Variants in SETD1B observed in about 807,000 individuals in gnomAD.
The protein encoded by SETD1B is histone-lysine N-methyltransferase SETD1B.
A neutral mutation model predicts 148.0 loss-of-function variants in SETD1B; 7 were observed. The observed-to-expected ratio is 0.05, with a 90% CI of 0.03 to 0.09. The LOEUF (loss-of-function observed/expected upper bound fraction) is 0.09. Among genes scored for constraint, SETD1B ranks in the 10% least tolerant of loss-of-function variants. The pLI, the probability that SETD1B is intolerant of heterozygous loss-of-function variation, is 1.00. For synonymous variants in SETD1B, 1,361 were observed against 1,186.5 expected (o/e 1.15, Z -3.02); for missense variants, 2,155 against 2,729.9 (o/e 0.79, Z 4.69).
At position 121,817,779 on chromosome 12, in the gene SETD1B, C is replaced by T. The variant is rs946790022; in HGVS notation, c.3313-20C>T. The T allele has an allele frequency of 1.9e-6, 3 of 1,545,504 alleles. No individual in the cohort carries two copies. Among genetic ancestry groups the T allele is most frequent in the African/African-American group, 2.7e-5 (2 of 72,920 alleles). On this transcript the variant is annotated intron_variant, in intron 9 of 16. Transcript: ENST00000604567. The surrounding 1 kb of genome is among the most constrained non-coding windows in gnomAD (Gnocchi z 8.1). ...CCAGACCCTTCGGCTCACCTGTCCC[C>T]ACTCTTCCTTCTCCCCCAGGATGAC... is the stretch of plus-strand genomic sequence containing the variant.
Position 121,822,712 on chromosome 12 carries a change from C to G in SETD1B, c.4133C>G (p.Thr1378Arg). ...CTGGCCAAGTCGCAGAGCACAGAGA[C>G]GGTGCCAGCCACACCAGGCGGGGAG... ...GSLAKSQSTE[T>R]VPATPGGEPP... The change falls in exon 12 of 17, where the codon ACG (threonine) becomes AGG (arginine). Residue 1378 changes from threonine (T) to arginine (R), a missense_variant. Coordinates refer to ENST00000604567, the MANE Select transcript of SETD1B (RefSeq NM_001353345.2). The G allele has an allele frequency of 6.6e-7, 1 of 1,526,260 alleles. No individual in the cohort carries two copies. Among genetic ancestry groups the G allele is most frequent in the Non-Finnish European group, 8.9e-7 (1 of 1,129,000 alleles). The allele number at this position is 1,526,260 out of a possible 1,614,324, so 94.5% of individuals were successfully genotyped here. A position where few individuals can be genotyped will look rare whatever the true frequency, so the allele number is the denominator to read the frequency against.
rs1204115837 is a variant in SETD1B, at chr12:121,823,798, C to T, written c.5170+49C>T. 16 of 1,495,820 alleles carry T rather than the reference C, an allele frequency of 1.1e-5. No homozygotes were observed. In the South Asian group the frequency reaches 1.4e-4, roughly 13 times the overall value. 92.7% of individuals were successfully genotyped at this position (1,495,820 alleles called of 1,614,324 possible). ...CTGCACCTTCTGGGATGCAGGAAGTCCCTGCTCACCTCTCTGGGCCCCACC... is the reference window on the plus strand; with the variant it reads ...CTGCACCTTCTGGGATGCAGGAAGTTCCTGCTCACCTCTCTGGGCCCCACC... On this transcript the variant is annotated intron_variant, in intron 12 of 16. Transcript: ENST00000604567.
chr12:121,809,801 GACTCCAGCT>G lies in SETD1B; in HGVS notation c.865_873del (p.Tyr289_Ser291del). 1 of 1,551,474 alleles carries G rather than the reference GACTCCAGCT, an allele frequency of 6.4e-7. No individual in the cohort carries two copies. The highest frequency in any genetic ancestry group is 1.4e-5 in the African/African-American group (1 of 73,128). ...GCGCCTGGGCACCCCTTTCTCACAG[GACTCCAGCT>G]ACTCCAGCCGCCAGCCCACACCCTC... is the stretch of plus-strand genomic sequence containing the variant. On this transcript the variant is annotated inframe_deletion, in exon 6 of 17. Transcript: ENST00000604567.
rs1215608993 is a variant in SETD1B at position 121,808,009 on chromosome 12, T to A, written c.545-199T>A. Reference sequence around the variant, plus strand: ...CTGGATCTCAGGATCAGAAAAATGGTGCAGCTCAGCAGCTTTGTTGAAGAG... The same window carrying A: ...CTGGATCTCAGGATCAGAAAAATGGAGCAGCTCAGCAGCTTTGTTGAAGAG... On this transcript the variant is annotated intron_variant, in intron 4 of 16. Transcript: ENST00000604567. This position sits in a 1 kb window ranked among gnomAD's most constrained non-coding sequence, Gnocchi z 5.3. 6.6e-6 allele frequency among the ~76,000 whole-genome samples: 1 copy of A among 151,976 alleles called. No individual in the cohort carries two copies. The highest frequency in any genetic ancestry group is 2.4e-5 in the African/African-American group (1 of 41,342).
At position 121,817,852 on chromosome 12, in the gene SETD1B, G is replaced by A. The variant is rs2137568087; in HGVS notation, c.3366G>A (p.Glu1122=). 2.6e-6 allele frequency: 4 copies of A among 1,551,152 alleles called. No homozygotes were observed. The highest frequency in any genetic ancestry group is 3.5e-6 in the Non-Finnish European group (4 of 1,146,790). ...DDRDESENDD[E]DTALSEASEK... ...GGGACGAGTCTGAGAACGATGACGA[G>A]GACACAGCCCTGTCAGAGGCGAGTG... The change falls in exon 10 of 17, where the codon GAG becomes GAA. Residue 1122 remains glutamate, a synonymous_variant. Coordinates refer to ENST00000604567, the MANE Select transcript of SETD1B (RefSeq NM_001353345.2). This position sits in a 1 kb window ranked among gnomAD's most constrained non-coding sequence, Gnocchi z 8.1.
chr12:121,805,245 C>G lies in SETD1B; in HGVS notation c.273+29C>G. 2 of 1,452,562 alleles carry G rather than the reference C, an allele frequency of 1.4e-6. No homozygotes were observed. Among genetic ancestry groups the G allele is most frequent in the Non-Finnish European group, 1.9e-6 (2 of 1,067,588 alleles). The allele number at this position is 1,452,562 out of a possible 1,614,324, so 90.0% of individuals were successfully genotyped here. A position where few individuals can be genotyped will look rare whatever the true frequency, so the allele number is the denominator to read the frequency against. On this transcript the variant is annotated intron_variant, in intron 3 of 16. Transcript: ENST00000604567. The surrounding 1 kb of genome is among the most constrained non-coding windows in gnomAD (Gnocchi z 4.2). The stretch of plus-strand genomic sequence containing the variant: ...GGACCCCTCCCCACTGCCCCGCCGT[C>G]CCTCCCCCACCTCCCCGAGTTCGAA...
rs776019997 is a variant in SETD1B at position 121,810,391 on chromosome 12, G to A, written c.1446G>A (p.Thr482=). ...WSPEPCDSPG[T]PTLESSPAGP... is the part of the protein sequence containing the mutation. ...CTGAGCCCTGTGACAGCCCTGGCAC[G>A]CCCACGCTGGAGTCGTCCCCTGCAG... The change falls in exon 6 of 17, where the codon ACG becomes ACA. Residue 482 remains threonine, a synonymous_variant. Coordinates refer to ENST00000604567, the MANE Select transcript of SETD1B (RefSeq NM_001353345.2). This position sits in a 1 kb window ranked among gnomAD's most constrained non-coding sequence, Gnocchi z 7.6. 5.8e-6 allele frequency: 9 copies of A among 1,548,460 alleles called. No individual in the cohort carries two copies. Among genetic ancestry groups the A allele is most frequent in the African/African-American group, 2.7e-5 (2 of 73,034 alleles).
Position 121,804,897 on chromosome 12 carries a change from C to T in SETD1B, c.160C>T (p.His54Tyr), listed in dbSNP as rs1362433895. The change falls in exon 2 of 17, where the codon CAT (histidine) becomes TAT (tyrosine). Residue 54 changes from histidine to tyrosine, a missense_variant. Transcript: ENST00000604567. The surrounding 1 kb of genome is among the most constrained non-coding windows in gnomAD (Gnocchi z 4.6). ...HHKLYRYDGQ[H>Y]FSLAMSSNRP... Reference sequence around the variant, plus strand: ...TAAACTGTACCGCTACGATGGGCAGCATTTCAGCCTGGCGGTGAGTAGCCG... The same window carrying T: ...TAAACTGTACCGCTACGATGGGCAGTATTTCAGCCTGGCGGTGAGTAGCCG... 1 of 1,521,590 alleles carries T rather than the reference C, an allele frequency of 6.6e-7. No homozygotes were observed. Among genetic ancestry groups the T allele is most frequent in the Admixed American group, 2.2e-5 (1 of 44,610 alleles). 94.3% of individuals were successfully genotyped at this position (1,521,590 alleles called of 1,614,324 possible).
In SETD1B at chr12:121,825,290, C is replaced by T; in HGVS notation, c.5261C>T (p.Thr1754Ile). The change falls in exon 13 of 17, where the codon ACC (threonine) becomes ATC (isoleucine). Residue 1754 changes from threonine (T) to isoleucine (I), a missense_variant. Thr to Ile is a moderately conservative substitution (Grantham distance 89). This residue lies in a region of SETD1B where 96 missense variants were observed against 148.7 expected (regional missense o/e 0.65). Coordinates refer to ENST00000604567, the MANE Select transcript of SETD1B (RefSeq NM_001353345.2). ...TGTGCCCGCAGTGAGGGCTTCTACA[C>T]CATCGACAAGAAGGACAAGCTCAGA... ...TGCARSEGFY[T>I]IDKKDKLRYL... The T allele has an allele frequency of 1.3e-6, 2 of 1,551,894 alleles. No individual in the cohort carries two copies. The highest frequency in any genetic ancestry group is 1.2e-5 in the South Asian group (1 of 84,068).
chr12:121,823,317 C>A lies in SETD1B; in HGVS notation c.4738C>A (p.Pro1580Thr), dbSNP rs1306354428. ...VTLDFRNAGI[P>T]APPPPLPPQP... The stretch of plus-strand genomic sequence containing the variant: ...CCTGGACTTCCGGAACGCGGGGATC[C>A]CAGCCCCTCCACCACCCCTTCCCCC... The change falls in exon 12 of 17, where the codon CCA becomes ACA. Residue 1580 changes from proline to threonine, a missense_variant. Around this residue, in one of 11 missense-constraint regions of SETD1B, gnomAD observed 862 missense variants for 873.8 expected, o/e 0.99. Coordinates refer to ENST00000604567, the MANE Select transcript of SETD1B (RefSeq NM_001353345.2). The A allele has an allele frequency of 6.5e-7, 1 of 1,545,342 alleles. No individual in the cohort carries two copies. Among genetic ancestry groups the A allele is most frequent in the Admixed American group, 2.0e-5 (1 of 50,924 alleles).
Position 121,825,261 on chromosome 12 carries a change from G to A in SETD1B, c.5232G>A (p.Thr1744=), listed in dbSNP as rs1006946845. 1.2e-4 allele frequency: 189 copies of A among 1,551,688 alleles called. No homozygotes were observed. Among genetic ancestry groups the A allele is most frequent in the Non-Finnish European group, 1.5e-4 (170 of 1,147,052 alleles). Residue 1744 remains threonine (T), a synonymous_variant, in exon 13 of 17, where the codon ACG becomes ACA. Transcript: ENST00000604567. ...KRDDGIREHV[T]GCARSEGFYT... Reference sequence around the variant, plus strand: ...ACGATGGCATCCGCGAGCACGTGACGGGCTGTGCCCGCAGTGAGGGCTTCT... The same window carrying A: ...ACGATGGCATCCGCGAGCACGTGACAGGCTGTGCCCGCAGTGAGGGCTTCT...
chr12:121,821,159 T>G (rs1876548481), intron 11 of SETD1B, among the ~76,000 whole-genome samples: 1 of 152,192 alleles, frequency 6.6e-6, no homozygotes, highest in South Asian at 2.1e-4. Flanking sequence ...CTTTGAACAT[T>G]GACTCAATAC....
At position 121,808,156 on chromosome 12, in the gene SETD1B, G is replaced by T; in HGVS notation, c.545-52G>T. 1 of 1,408,948 alleles carries T rather than the reference G, an allele frequency of 7.1e-7. No homozygotes were observed. The highest frequency in any genetic ancestry group is 9.8e-7 in the Non-Finnish European group (1 of 1,023,150). 87.3% of individuals were successfully genotyped at this position (1,408,948 alleles called of 1,614,324 possible). The stretch of plus-strand genomic sequence containing the variant: ...CACACAGGTTGGAATCCTTGTGGGG[G>T]CTGCCCCATCCTGGAACCTCACTGA... On this transcript the variant is annotated intron_variant, in intron 4 of 16. Transcript: ENST00000604567. The surrounding 1 kb of genome is among the most constrained non-coding windows in gnomAD (Gnocchi z 5.3).
In SETD1B at chr12:121,817,104, C is replaced by T; in HGVS notation, c.2787C>T (p.Ala929=). The T allele has an allele frequency of 6.5e-7, 1 of 1,549,172 alleles. No individual in the cohort carries two copies. The highest frequency in any genetic ancestry group is 1.2e-5 in the South Asian group (1 of 84,044). Residue 929 remains alanine (A), a synonymous_variant, in exon 8 of 17, where the codon GCC becomes GCT. Coordinates refer to ENST00000604567, the MANE Select transcript of SETD1B (RefSeq NM_001353345.2). The surrounding 1 kb of genome is among the most constrained non-coding windows in gnomAD (Gnocchi z 8.1). ...GGCCGAAGCCCAAGGACCGCATCGCCTCGTGCCTGCTGGAGTCATGGGGCA... is the reference window on the plus strand; with the variant it reads ...GGCCGAAGCCCAAGGACCGCATCGCTTCGTGCCTGCTGGAGTCATGGGGCA... ...EDRPKPKDRI[A]SCLLESWGKG... is the part of the protein sequence containing the mutation.
chr12:121,809,603 C>T lies in SETD1B; in HGVS notation c.658C>T (p.Leu220=). 4 of 1,544,422 alleles carry T rather than the reference C, an allele frequency of 2.6e-6. No individual in the cohort carries two copies. Among genetic ancestry groups the T allele is most frequent in the South Asian group, 2.4e-5 (2 of 83,146 alleles). ...VSPIVNETLQ[L]SDALKRLKDG... ...GTCTGACATCTCTGTCTCTCCTTAGCTGTCAGATGCCCTGAAGCGCCTCAA... is the reference window on the plus strand; with the variant it reads ...GTCTGACATCTCTGTCTCTCCTTAGTTGTCAGATGCCCTGAAGCGCCTCAA... Residue 220 remains leucine (L), a splice_region_variant and synonymous_variant, in exon 6 of 17, where the codon CTG becomes TTG. Coordinates refer to ENST00000604567, the MANE Select transcript of SETD1B (RefSeq NM_001353345.2).
intron 4 of SETD1B, among the ~76,000 whole-genome samples, chr12:121,807,485 A>C (rs1164217208): frequency 6.6e-6 from 1 of 152,200 alleles, no homozygotes; most frequent in African/African-American, 2.4e-5. Context: ...AAGAAAAAAA[A>C]CACAAAAGCC....
At chr12:121,800,349 A>AG (rs1029122746), upstream of SETD1B, 22 of 151,804 alleles carry the variant, frequency 1.4e-4, no homozygotes, top group African/African-American at 5.3e-4. Flanking sequence ...GCCCTGAGTG[A>AG]GGACAAAGGG....
upstream of SETD1B, chr12:121,799,589 A>C (rs900943946): frequency 2.0e-5 from 3 of 152,152 alleles, no homozygotes; most frequent in African/African-American, 7.2e-5. Context: ...AAATACTTGC[A>C]AGTGGATCCT....
rs1876677783 is a variant in SETD1B at position 121,823,346 on chromosome 12, GCCACCC to G, written c.4779_4784del (p.Pro1597_Pro1598del). On this transcript the variant is annotated inframe_deletion, in exon 12 of 17. Coordinates refer to ENST00000604567, the MANE Select transcript of SETD1B (RefSeq NM_001353345.2). Reference sequence around the variant, plus strand: ...CCCCTCCACCACCCCTTCCCCCCCAGCCACCCCCACCCCCACCTCCCCCACCTGTAG... The same window carrying G: ...CCCCTCCACCACCCCTTCCCCCCCAGCCACCCCCACCTCCCCCACCTGTAG... 4 of 137,236 alleles carry G rather than the reference GCCACCC, an allele frequency of 2.9e-5. No individual in the cohort carries two copies. The highest frequency in any genetic ancestry group is 4.4e-5 in the Non-Finnish European group (4 of 90,518). 8.5% of individuals were successfully genotyped at this position (137,236 alleles called of 1,614,324 possible). A position where few individuals can be genotyped will look rare whatever the true frequency, so the allele number is the denominator to read the frequency against.
Sources: allele counts gnomAD v4.1 joint callset (sites outside exome capture counted in the v4.1 genomes callset), GRCh38; gene constraint gnomAD v4.1.1; regional missense constraint gnomAD v4.1.1; non-coding constraint Gnocchi (gnomAD v3.1); transcripts MANE v1.5; gene names NCBI Gene and HGNC (gene_info 2026-07-23, HGNC 2026-07-21).